Variants in TTI1 observed in about 807,000 individuals in gnomAD.
The protein encoded by TTI1 is TELO2-interacting protein 1 homolog.
A neutral mutation model predicts 85.4 loss-of-function variants in TTI1; 52 were observed. The ratio of observed to expected loss-of-function variants is 0.61; its 90% confidence interval spans 0.49 to 0.77. TTI1 has a LOEUF of 0.77. TTI1 is among the 30% of genes least tolerant of loss of function. The pLI, the probability that TTI1 is intolerant of heterozygous loss-of-function variation, is 0.00. For synonymous variants in TTI1, 512 were observed against 503.9 expected (o/e 1.02, Z -0.22); for missense variants, 1,173 against 1,296.0 (o/e 0.91, Z 1.46).
chr20:37,990,275 A>G (rs2073245362), intron 7 of TTI1, among the ~76,000 whole-genome samples: 1 of 152,256 alleles, frequency 6.6e-6, no homozygotes. Flanking sequence ...ATAAGAAGAA[A>G]TTTAAATAAT....
At chr20:38,025,140 G>C (rs1437370937) in intron 1 of TTI1, among the ~76,000 whole-genome samples, 1 of 152,132 alleles carries the variant, frequency 6.6e-6, no homozygotes, top group Non-Finnish European at 1.5e-5. Flanking sequence ...AGATTGTTTA[G>C]TCTAAACATT....
chr20:38,012,434 C>T lies in TTI1; in HGVS notation c.1383G>A (p.Lys461=). ...GGTTCCAAGGCTGTGTGGCTGAGGT[C>T]TTTGGAGAAGCATTCAGATCATCAG... ...WNSDDLNASP[K]TSATQPWNRI... Residue 461 remains lysine (K), a synonymous_variant, in exon 2 of 8, where the codon AAG becomes AAA. Transcript: ENST00000373447. 2 of 1,614,186 alleles carry T rather than the reference C, an allele frequency of 1.2e-6. No homozygotes were observed. The highest frequency in any genetic ancestry group is 1.7e-6 in the Non-Finnish European group (2 of 1,180,040).
chr20:37,999,160 C>T, intron 5 of TTI1, 28 bp downstream of exon 5: 2 of 1,367,248 alleles, frequency 1.5e-6, no homozygotes, highest in Non-Finnish European at 1.9e-6. Flanking sequence ...ACCCTCACAA[C>T]AGACCATGGG....
rs763998717 is a variant in TTI1 at position 37,996,429 on chromosome 20, C to G, written c.3032G>C (p.Cys1011Ser). Reference sequence around the variant, plus strand: ...CTGTTTGACACTGAGGTAAATCAAGCAGGCATCAGCCACTTTATTCAGGTC... The same window carrying G: ...CTGTTTGACACTGAGGTAAATCAAGGAGGCATCAGCCACTTTATTCAGGTC... ...EGDLNKVADA[C>S]LIYLSVKQPV... Residue 1011 changes from cysteine (C) to serine (S), a missense_variant, in exon 7 of 8, where the codon TGC becomes TCC. Cys to Ser is a moderately radical substitution (Grantham distance 112, BLOSUM62 -1). Transcript: ENST00000373447. 6.2e-7 allele frequency: 1 copy of G among 1,614,038 alleles called. No homozygotes were observed. The highest frequency in any genetic ancestry group is 1.7e-5 in the Admixed American group (1 of 60,012).
At chr20:37,994,481 C>T (rs1246455890) in intron 7 of TTI1, among the ~76,000 whole-genome samples, 2 of 147,490 alleles carry the variant, frequency 1.4e-5, no homozygotes, top group African/African-American at 5.0e-5. Flanking sequence ...CCACCCACCC[C>T]TCTCTCCATG....
chr20:38,019,973 T>A (rs1439862050), intron 1 of TTI1, among the ~76,000 whole-genome samples: 1 of 152,106 alleles, frequency 6.6e-6, no homozygotes, highest in East Asian at 1.9e-4. Flanking sequence ...GTCAGCATAA[T>A]CCTAATCAAA....
rs2073441954 is a variant in TTI1, at chr20:38,002,667, G to A, written c.2613C>T (p.Ile871=). Residue 871 remains isoleucine (I), a synonymous_variant, in exon 4 of 8, where the codon ATC becomes ATT. Transcript: ENST00000373447. ...GCAGATTTTTATCTGACAACAAGTG[G>A]ATGCAGCGTTCCATCACGTCCATGG... ...QIAMDVMERC[I]HLLSDKNLQI... is the part of the protein sequence containing the mutation. The A allele has an allele frequency of 1.2e-6, 2 of 1,614,114 alleles. No homozygotes were observed. Among genetic ancestry groups the A allele is most frequent in the Non-Finnish European group, 1.7e-6 (2 of 1,180,060 alleles).
intron 3 of TTI1, among the ~76,000 whole-genome samples, chr20:38,004,959 C>T (rs990635247): frequency 6.6e-6 from 1 of 152,154 alleles, no homozygotes; most frequent in African/African-American, 2.4e-5. Flanking sequence ...TGATAGATTT[C>T]TGATCAGAAA....
At chr20:37,995,046 T>C (rs534142754) in intron 7 of TTI1, among the ~76,000 whole-genome samples, 27 of 152,308 alleles carry the variant, frequency 1.8e-4, no homozygotes, top group Admixed American at 4.6e-4. Context: ...GATAAACTCA[T>C]TATGTTCTTG....
chr20:37,996,286 G>T, intron 7 of TTI1, 89 bp downstream of exon 7: 1 of 1,357,622 alleles, frequency 7.4e-7, no homozygotes, highest in Non-Finnish European at 1.0e-6. Context: ...AGAGAAAAGA[G>T]CAGAGATGCC....
rs776153580 is a variant in TTI1, at chr20:38,011,689, C to A, written c.2128G>T (p.Ala710Ser). The A allele has an allele frequency of 1.1e-5, 18 of 1,614,060 alleles. No homozygotes were observed. In the East Asian group the frequency reaches 3.8e-4, roughly 34 times the overall value. Residue 710 changes from alanine to serine, a missense_variant, in exon 2 of 8, where the codon GCT (alanine) becomes TCT (serine). Ala to Ser is a moderately conservative substitution (Grantham distance 99, BLOSUM62 1). Coordinates refer to ENST00000373447, the MANE Select transcript of TTI1 (RefSeq NM_001303457.2). The part of the protein sequence containing the change: ...NGISLNLRHL[A>S]LHPHTPKVLE... ...ACCTTTGGGGTATGAGGATGCAGAGCCAGATGACGCAGATTTAAAGAGATC... is the reference window on the plus strand; with the variant it reads ...ACCTTTGGGGTATGAGGATGCAGAGACAGATGACGCAGATTTAAAGAGATC...
chr20:37,994,452 T>C (rs1196098646), intron 7 of TTI1, among the ~76,000 whole-genome samples: 2 of 152,026 alleles, frequency 1.3e-5, no homozygotes, highest in Non-Finnish European at 2.9e-5. Context: ...GTATGACTTT[T>C]CCATACTAAG....
intron 1 of TTI1, among the ~76,000 whole-genome samples, chr20:38,025,282 C>T (rs2073822009): frequency 6.6e-6 from 1 of 152,144 alleles, no homozygotes; most frequent in Non-Finnish European, 1.5e-5. Context: ...TGAAAAAAGA[C>T]AATCGGTATG....
At chr20:38,013,949 G>T in intron 1 of TTI1, 92 bp from the exon 2 acceptor site, 2 of 1,360,088 alleles carry the variant, frequency 1.5e-6, no homozygotes, top group South Asian at 1.5e-5. Context: ...ATTTACCTGG[G>T]GTCTATGTGC....
intron 5 of TTI1, 125 bp from the exon 6 acceptor site, chr20:37,997,078 T>C (rs1200613121): frequency 9.4e-7 from 1 of 1,062,698 alleles, no homozygotes; most frequent in East Asian, 2.6e-5. Flanking sequence ...GAATTACTGC[T>C]GTTAATTCCT....
At chr20:38,010,321 T>C (rs904130939) in intron 2 of TTI1, among the ~76,000 whole-genome samples, 2 of 152,174 alleles carry the variant, frequency 1.3e-5, no homozygotes, top group Non-Finnish European at 2.9e-5. Context: ...TCAGAGGCTA[T>C]TAGCAGTACT....
chr20:38,021,545 G>A (rs965038456), intron 1 of TTI1, among the ~76,000 whole-genome samples: 2 of 152,206 alleles, frequency 1.3e-5, no homozygotes, highest in African/African-American at 4.8e-5. Flanking sequence ...CTCTGGATGA[G>A]TAGACAAAAC....
intron 6 of TTI1, 137 bp downstream of exon 6, chr20:37,996,612 G>C (rs2073343468): frequency 7.2e-7 from 1 of 1,391,344 alleles, no homozygotes; most frequent in South Asian, 1.3e-5. Flanking sequence ...AAGATAAATG[G>C]ACAAATGAGG....
intron 7 of TTI1, 69 bp from the exon 8 acceptor site, chr20:37,983,708 C>T: frequency 1.5e-6 from 2 of 1,325,162 alleles, no homozygotes; most frequent in East Asian, 2.8e-5. Context: ...ACAGCCCCAA[C>T]CAGGAGGCTG....
Sources: gnomAD v4.1 joint callset for allele counts (sites outside exome capture counted in the v4.1 genomes callset) on GRCh38, gnomAD v4.1.1 for gene constraint, MANE v1.5 for transcripts, NCBI Gene and HGNC (gene_info 2026-07-23, HGNC 2026-07-21) for gene names.